The following HMGCLL1 variants were observed in gnomAD, a reference collection of about 807,000 sequenced individuals.
The protein encoded by HMGCLL1 is 3-hydroxymethyl-3-methylglutaryl-CoA lyase, cytoplasmic.
HMGCLL1 carries 36 observed loss-of-function variants against 39.1 expected under a neutral mutation model. That is an observed-to-expected ratio of 0.92 (90% CI 0.71 to 1.22). HMGCLL1 has a LOEUF of 1.22. HMGCLL1 is among the 50% of genes most tolerant of loss of function. HMGCLL1 has a pLI of 0.00. For synonymous variants in HMGCLL1, 149 were observed against 144.0 expected (o/e 1.03, Z -0.25); for missense variants, 451 against 416.5 (o/e 1.08, Z -0.72).
intron 3 of HMGCLL1, among the ~76,000 whole-genome samples, chr6:55,519,008 G>A (rs1188207703): frequency 6.6e-6 from 1 of 152,106 alleles, no homozygotes; most frequent in Non-Finnish European, 1.5e-5. Flanking sequence ...TTGCGTAAGT[G>A]GTAACATATT....
chr6:55,642,971 T>G, the HMGCLL1 span, among the ~76,000 whole-genome samples: 1 of 152,142 alleles, frequency 6.6e-6, no homozygotes, highest in East Asian at 1.9e-4. Flanking sequence ...GAACATGATC[T>G]TATTCTTCTT....
intron 3 of HMGCLL1, among the ~76,000 whole-genome samples, chr6:55,530,999 C>T (rs931198420): frequency 1.3e-5 from 2 of 152,126 alleles, no homozygotes; most frequent in African/African-American, 4.8e-5. Flanking sequence ...ATAATGTATT[C>T]TTGAAAATAA....
the HMGCLL1 span, among the ~76,000 whole-genome samples, chr6:55,602,940 T>G: frequency 0.01 from 1,525 of 152,182 alleles, 29 homozygotes; most frequent in African/African-American, 0.035. Context: ...ACTCCAGAAA[T>G]TTTGATTTTG....
chr6:55,532,006 TG>T (rs1053578741), intron 3 of HMGCLL1, among the ~76,000 whole-genome samples: 2 of 152,142 alleles, frequency 1.3e-5, no homozygotes, highest in African/African-American at 4.8e-5. Flanking sequence ...TTGAATCATC[TG>T]GAAACTACCT....
chr6:55,662,017 T>C, the HMGCLL1 span, among the ~76,000 whole-genome samples: 4 of 151,830 alleles, frequency 2.6e-5, no homozygotes, highest in African/African-American at 9.7e-5. Context: ...AAAATGCTAA[T>C]GATTTTCGTA....
chr6:55,619,766 T>C, the HMGCLL1 span, among the ~76,000 whole-genome samples: 2 of 152,126 alleles, frequency 1.3e-5, no homozygotes, highest in Non-Finnish European at 2.9e-5. Flanking sequence ...AGTCACTCTG[T>C]TGTGCTATCA....
At chr6:55,590,439 A>G in the HMGCLL1 span, among the ~76,000 whole-genome samples, 9 of 152,170 alleles carry the variant, frequency 5.9e-5, no homozygotes, top group Admixed American at 2.6e-4. Context: ...ACCTAAAACC[A>G]TAAAAGCCCT....
intron 5 of HMGCLL1, chr6:55,513,262 A>G (rs1489324773): frequency 6.6e-6 from 1 of 152,104 alleles, no homozygotes; most frequent in East Asian, 1.9e-4. Context: ...TGAGAGAGAA[A>G]ATTAGGTTTG....
intron 1 of HMGCLL1, among the ~76,000 whole-genome samples, chr6:55,569,477 G>A (rs1771368640): frequency 1.3e-5 from 2 of 152,138 alleles, no homozygotes; most frequent in Admixed American, 1.3e-4. Flanking sequence ...GGAAGCACTG[G>A]TATCATGGCA....
intron 5 of HMGCLL1, among the ~76,000 whole-genome samples, chr6:55,507,218 A>G (rs1469303504): frequency 2.0e-5 from 3 of 151,788 alleles, no homozygotes; most frequent in African/African-American, 7.2e-5. Context: ...TGAAGAGGCT[A>G]TATCTGTGGG....
the HMGCLL1 span, among the ~76,000 whole-genome samples, chr6:55,615,343 C>T: frequency 6.6e-6 from 1 of 151,980 alleles, no homozygotes; most frequent in Non-Finnish European, 1.5e-5. Context: ...GAATAACTGC[C>T]CCAGCAGAAA....
the HMGCLL1 span, among the ~76,000 whole-genome samples, chr6:55,624,977 G>A: frequency 6.6e-6 from 1 of 152,126 alleles, no homozygotes; most frequent in East Asian, 1.9e-4. Context: ...AGGCTGTTGT[G>A]AAAGCTGCTC....
intron 7 of HMGCLL1, among the ~76,000 whole-genome samples, chr6:55,467,677 T>G (rs1313414489): frequency 6.6e-6 from 1 of 152,026 alleles, no homozygotes; most frequent in African/African-American, 2.4e-5. Context: ...AATTACTCAT[T>G]GGGATATAAA....
chr6:55,583,088 T>G (rs1772012626), upstream of HMGCLL1, among the ~76,000 whole-genome samples: 1 of 152,228 alleles, frequency 6.6e-6, no homozygotes, highest in Non-Finnish European at 1.5e-5. Flanking sequence ...TTTATATTTT[T>G]AAAGTTTTGC....
chr6:55,567,154 A>G (rs1325357435), intron 1 of HMGCLL1, among the ~76,000 whole-genome samples: 1 of 152,130 alleles, frequency 6.6e-6, no homozygotes, highest in Non-Finnish European at 1.5e-5. Flanking sequence ...CATGAAGAAA[A>G]CAAGGATGGG....
At chr6:55,461,317 T>TA (rs990055203) in intron 7 of HMGCLL1, among the ~76,000 whole-genome samples, 9 of 151,942 alleles carry the variant, frequency 5.9e-5, no homozygotes, top group African/African-American at 2.2e-4. Context: ...GAGAAACACA[T>TA]ATACAGTACT....
At chr6:55,625,191 G>C in the HMGCLL1 span, among the ~76,000 whole-genome samples, 2 of 152,114 alleles carry the variant, frequency 1.3e-5, no homozygotes, top group Non-Finnish European at 2.9e-5. Flanking sequence ...ATGGGCTTTT[G>C]TGGAAACTGG....
chr6:55,435,003 G>A lies in HMGCLL1; in HGVS notation c.*659C>T, dbSNP rs1364061613. The A allele has an allele frequency of 6.6e-6, 1 of 152,514 alleles. No homozygotes were observed. The highest frequency in any genetic ancestry group is 1.5e-5 in the Non-Finnish European group (1 of 68,006). 9.4% of individuals were successfully genotyped at this position (152,514 alleles called of 1,614,324 possible). A position where few individuals can be genotyped will look rare whatever the true frequency, so the allele number is the denominator to read the frequency against. ...GATGACAGGTAAAGTGTGGTAAACT[G>A]GATGCATGTAACAAACATGGGAGGT... On this transcript the variant is annotated 3_prime_UTR_variant, in exon 9 of 9. Transcript: ENST00000274901.
the HMGCLL1 span, among the ~76,000 whole-genome samples, chr6:55,667,656 A>G: frequency 6.6e-6 from 1 of 151,816 alleles, no homozygotes; most frequent in East Asian, 1.9e-4. Flanking sequence ...GAATCATAAA[A>G]AGGAAACATA....
Sources: gnomAD v4.1 joint callset for allele counts (sites outside exome capture counted in the v4.1 genomes callset) on GRCh38, gnomAD v4.1.1 for gene constraint, MANE v1.5 for transcripts, NCBI Gene and HGNC (gene_info 2026-07-23, HGNC 2026-07-21) for gene names.